The following HERC4 variants were observed in gnomAD, a reference collection of about 807,000 sequenced individuals.
HERC4 encodes probable E3 ubiquitin-protein ligase HERC4.
HERC4 carries 28 observed loss-of-function variants against 124.3 expected under a neutral mutation model. That is an observed-to-expected ratio of 0.23 (90% confidence interval 0.17 to 0.31). HERC4 has a LOEUF of 0.31. HERC4 is among the 10% of genes least tolerant of loss of function. HERC4 has a pLI of 1.00. For synonymous variants in HERC4, 407 were observed against 421.5 expected (o/e 0.97, Z 0.42); for missense variants, 713 against 1,229.3 (o/e 0.58, Z 6.28).
chr10:67,931,024 T>G (rs2031738963), intron 23 of HERC4, among the ~76,000 whole-genome samples: 2 of 152,076 alleles, frequency 1.3e-5, no homozygotes, highest in Admixed American at 1.3e-4. Flanking sequence ...CTTGCTCTGT[T>G]GCCTGGGCTG....
At chr10:68,011,226 AT>A (rs2037935325) in intron 9 of HERC4, among the ~76,000 whole-genome samples, 1 of 152,054 alleles carries the variant, frequency 6.6e-6, no homozygotes, top group African/African-American at 2.4e-5. Flanking sequence ...TTTTAAAATT[AT>A]TTTTTGTAGA....
chr10:68,044,642 T>G, intron 3 of HERC4, 79 bp from the exon 4 acceptor site: 1 of 1,306,210 alleles, frequency 7.7e-7, no homozygotes, highest in Non-Finnish European at 1.1e-6. Flanking sequence ...GTTTTGAACT[T>G]CCAATAAGAA....
intron 15 of HERC4, among the ~76,000 whole-genome samples, chr10:67,977,577 C>T (rs552751992): frequency 3.9e-5 from 6 of 152,028 alleles, no homozygotes; most frequent in Non-Finnish European, 8.8e-5. Flanking sequence ...CCAGCTCCAA[C>T]GTAGGAGGGT....
chr10:67,957,753 T>C (rs184039643), intron 16 of HERC4, among the ~76,000 whole-genome samples: 8 of 152,292 alleles, frequency 5.3e-5, no homozygotes, highest in Admixed American at 4.6e-4. Context: ...GAAGAATTAA[T>C]ACACCCTAAA....
chr10:67,997,579 T>A (rs561522309), intron 9 of HERC4, among the ~76,000 whole-genome samples: 13 of 152,304 alleles, frequency 8.5e-5, no homozygotes, highest in Non-Finnish European at 1.3e-4. Flanking sequence ...CCCACCCAAA[T>A]AGATCTGTTT....
intron 23 of HERC4, among the ~76,000 whole-genome samples, chr10:67,927,642 G>C (rs945553007): frequency 6.6e-6 from 1 of 151,358 alleles, no homozygotes; most frequent in African/African-American, 2.4e-5. Flanking sequence ...GGCCAGGATG[G>C]TCTTGATCTT....
At chr10:67,985,033 T>A (rs904221326) in intron 15 of HERC4, among the ~76,000 whole-genome samples, 5 of 152,222 alleles carry the variant, frequency 3.3e-5, no homozygotes, top group African/African-American at 9.6e-5. Flanking sequence ...ATATACGTTT[T>A]TGAAAAGAAA....
At chr10:68,045,138 C>T (rs1177868265) in intron 3 of HERC4, among the ~76,000 whole-genome samples, 1 of 152,054 alleles carries the variant, frequency 6.6e-6, no homozygotes, top group Non-Finnish European at 1.5e-5. Flanking sequence ...CTGGCCAAAA[C>T]GGTGAAACCC....
intron 3 of HERC4, among the ~76,000 whole-genome samples, chr10:68,059,829 ATTAT>A (rs2040874754): frequency 1.6e-5 from 1 of 61,018 alleles, no homozygotes; most frequent in Non-Finnish European, 2.2e-5. Context: ...ATATCATAAT[ATTAT>A]ATATTATAAT....
At chr10:67,932,872 T>G in intron 22 of HERC4, 92 bp from the exon 23 acceptor site, 1 of 1,103,924 alleles carries the variant, frequency 9.1e-7, no homozygotes, top group Middle Eastern at 2.1e-4. Flanking sequence ...GCTCCTACAA[T>G]TTCTGCTACA....
chr10:68,072,574 T>C (rs1431972208), intron 3 of HERC4, among the ~76,000 whole-genome samples: 2 of 152,108 alleles, frequency 1.3e-5, no homozygotes, highest in Non-Finnish European at 2.9e-5. Context: ...CTGAACAGAA[T>C]TTATTAAAGA....
intron 9 of HERC4, among the ~76,000 whole-genome samples, chr10:68,011,664 G>A (rs978298497): frequency 3.9e-5 from 6 of 152,200 alleles, no homozygotes; most frequent in Non-Finnish European, 5.9e-5. Flanking sequence ...GTAAACAGAT[G>A]AGCTGTCATC....
chr10:68,040,253 AAT>A, intron 4 of HERC4: 2 of 982,322 alleles, frequency 2.0e-6, no homozygotes, highest in Non-Finnish European at 2.4e-6. Flanking sequence ...ATTAAATGCT[AAT>A]ATCTTTTACC....
intron 14 of HERC4, among the ~76,000 whole-genome samples, chr10:67,989,864 C>T (rs1239290528): frequency 6.6e-6 from 1 of 151,810 alleles, no homozygotes; most frequent in East Asian, 1.9e-4. Context: ...ATTTAAAGCC[C>T]ATGTTTGTTC....
chr10:67,951,181 A>C (rs1310150974), intron 19 of HERC4, among the ~76,000 whole-genome samples: 1 of 152,134 alleles, frequency 6.6e-6, no homozygotes, highest in Non-Finnish European at 1.5e-5. Context: ...AAACTGACTA[A>C]AGGGCAGACA....
chr10:68,071,702 G>A (rs2041584859), intron 3 of HERC4, among the ~76,000 whole-genome samples: 1 of 152,144 alleles, frequency 6.6e-6, no homozygotes, highest in South Asian at 2.1e-4. Flanking sequence ...TCCATAAAAT[G>A]TTCTTAGACA....
chr10:67,994,468 T>C (rs998362947), intron 9 of HERC4: 1 of 152,246 alleles, frequency 6.6e-6, no homozygotes, highest in Non-Finnish European at 1.5e-5. Flanking sequence ...GTTTCACTCT[T>C]GTTGCCCAGG....
At chr10:68,001,082 T>C (rs2037201316) in intron 9 of HERC4, among the ~76,000 whole-genome samples, 1 of 152,144 alleles carries the variant, frequency 6.6e-6, no homozygotes, top group African/African-American at 2.4e-5. Flanking sequence ...AAGAATGTCC[T>C]TTTGTCAGCC....
chr10:67,957,213 T>C (rs561267640), intron 16 of HERC4, among the ~76,000 whole-genome samples: 2 of 152,374 alleles, frequency 1.3e-5, no homozygotes, highest in African/African-American at 2.4e-5. Context: ...AATCATATAC[T>C]GCAAGTATCT....
Sources: allele counts gnomAD v4.1 joint callset (sites outside exome capture counted in the v4.1 genomes callset), GRCh38; gene constraint gnomAD v4.1.1; transcripts MANE v1.5; gene names NCBI Gene and HGNC (gene_info 2026-07-23, HGNC 2026-07-21).